Variants in ICOS observed in about 807,000 individuals in gnomAD.
ICOS encodes the protein inducible T-cell costimulator.
A neutral mutation model predicts 24.6 loss-of-function variants in ICOS; 15 were observed. The observed-to-expected ratio is 0.61, with a 90% confidence interval of 0.41 to 0.94. The LOEUF is 0.94. Ranked by LOEUF, ICOS falls within the 40% of genes least tolerant of loss-of-function variation. The pLI, the probability that ICOS is intolerant of heterozygous loss-of-function variation, is 0.00. For missense variants in ICOS, 200 were observed against 233.0 expected (o/e 0.86, Z 0.92); for synonymous variants, 89 against 77.5 (o/e 1.15, Z -0.78).
chr2:203,945,734 C>T (rs1043638663), intron 1 of ICOS, among the ~76,000 whole-genome samples: 1 of 152,124 alleles, frequency 6.6e-6, no homozygotes, highest in African/African-American at 2.4e-5. Context: ...GGGACCGCCA[C>T]CATATATACA....
At chr2:203,939,376 T>C (rs1689723106) in intron 1 of ICOS, among the ~76,000 whole-genome samples, 1 of 152,206 alleles carries the variant, frequency 6.6e-6, no homozygotes, top group Admixed American at 6.5e-5. Context: ...AAGTCTTGTT[T>C]TTTTTTAATG....
At position 203,955,877 on chromosome 2, in the gene ICOS, C is replaced by G; in HGVS notation, c.300C>G (p.Asp100Glu). 6.2e-7 allele frequency: 1 copy of G among 1,613,664 alleles called. No individual in the cohort carries two copies. Among genetic ancestry groups the G allele is most frequent in the Non-Finnish European group, 8.5e-7 (1 of 1,179,738 alleles). The change falls in exon 2 of 5, where the codon GAC (aspartate) becomes GAG (glutamate). Residue 100 changes from aspartate (D) to glutamate (E), a missense_variant. Asp to Glu is a conservative substitution (Grantham distance 45). Coordinates refer to ENST00000316386, the MANE Select transcript of ICOS (RefSeq NM_012092.4). Reference protein sequence around the residue: ...NSVSFFLYNLDHSHANYYFCN... With the variant: ...NSVSFFLYNLEHSHANYYFCN... ...TCTCTTTTTTTCTATACAACTTGGA[C>G]CATTCTCATGCCAACTATTACTTCT... is the stretch of plus-strand genomic sequence containing the variant.
At chr2:203,951,776 A>ACC (rs762536627) in intron 1 of ICOS, among the ~76,000 whole-genome samples, 24 of 152,234 alleles carry the variant, frequency 1.6e-4, no homozygotes, top group Non-Finnish European at 2.6e-4. Context: ...GGAACTGAGA[A>ACC]CCCGTCCACT....
intron 1 of ICOS, among the ~76,000 whole-genome samples, chr2:203,943,560 C>T (rs879916218): frequency 4.6e-5 from 7 of 152,024 alleles, no homozygotes; most frequent in African/African-American, 9.7e-5. Context: ...GTGGAGGTGG[C>T]GAAGGGTGCA....
intron 2 of ICOS, 37 bp downstream of exon 2, chr2:203,956,008 T>C (rs1263586791): frequency 3.5e-6 from 5 of 1,448,298 alleles, no homozygotes; most frequent in Admixed American, 3.5e-5. Flanking sequence ...CTTAAGAGTA[T>C]ATATATGTTT....
chr2:203,949,815 A>G (rs975503038), intron 1 of ICOS, among the ~76,000 whole-genome samples: 1 of 152,178 alleles, frequency 6.6e-6, no homozygotes, highest in Non-Finnish European at 1.5e-5. Flanking sequence ...CACCTTACCA[A>G]TCAGAGCAGA....
chr2:203,940,583 T>C (rs1689749240), intron 1 of ICOS, among the ~76,000 whole-genome samples: 1 of 152,080 alleles, frequency 6.6e-6, no homozygotes, highest in Non-Finnish European at 1.5e-5. Context: ...TTCTTAGTGG[T>C]TGCAGATATT....
chr2:203,942,057 C>T (rs1224581372), intron 1 of ICOS, among the ~76,000 whole-genome samples: 2 of 152,104 alleles, frequency 1.3e-5, no homozygotes, highest in Admixed American at 6.5e-5. Flanking sequence ...CAGTTGACCA[C>T]GAGTGTTGTT....
Position 203,955,777 on chromosome 2 carries a change from A to G in ICOS, c.200A>G (p.Lys67Arg). ...KGGQILCDLT[K>R]TKGSGNTVSI... Reference sequence around the variant, plus strand: ...GGGCAAATACTCTGCGATCTCACTAAGACAAAAGGAAGTGGAAACACAGTG... The same window carrying G: ...GGGCAAATACTCTGCGATCTCACTAGGACAAAAGGAAGTGGAAACACAGTG... Residue 67 changes from lysine (K) to arginine (R), a missense_variant, in exon 2 of 5, where the codon AAG becomes AGG. By Grantham distance (26) the Lys-to-Arg change is conservative. Transcript: ENST00000316386. 1 of 1,613,812 alleles carries G rather than the reference A, an allele frequency of 6.2e-7. No homozygotes were observed.
chr2:203,958,227 G>A lies in ICOS; in HGVS notation c.586+344G>A, dbSNP rs909450973. On this transcript the variant is annotated intron_variant, in intron 4 of 4. Transcript: ENST00000316386. Reference sequence around the variant, plus strand: ...GGGTTCATTCAGTCATTCAATGAGCGTTTATTGAGCATCAGTTAAGTGTGA... The same window carrying A: ...GGGTTCATTCAGTCATTCAATGAGCATTTATTGAGCATCAGTTAAGTGTGA... Among the ~76,000 whole-genome samples, 29 of 152,284 alleles carry A rather than the reference G, an allele frequency of 1.9e-4. 1 individual carries two copies. Among genetic ancestry groups the A allele is most frequent in the Middle Eastern group, 3.4e-3 (1 of 294 alleles).
At chr2:203,940,937 C>G (rs760441269) in intron 1 of ICOS, among the ~76,000 whole-genome samples, 5 of 152,108 alleles carry the variant, frequency 3.3e-5, no homozygotes, top group Non-Finnish European at 7.4e-5. Flanking sequence ...GCACCCGCCA[C>G]CACGCCTGGC....
At position 203,959,896 on chromosome 2, in the gene ICOS, G is replaced by A. The variant is rs909646017; in HGVS notation, c.*297G>A. The A allele has an allele frequency of 5.8e-6, 3 of 514,948 alleles. No individual in the cohort carries two copies. Among genetic ancestry groups the A allele is most frequent in the African/African-American group, 3.9e-5 (2 of 51,612 alleles). 31.9% of individuals were successfully genotyped at this position (514,948 alleles called of 1,614,324 possible). The stretch of plus-strand genomic sequence containing the variant: ...CCTGTCTCCACATCTGCTCCTAGCA[G>A]TGCATCAGCCAGTAAAACAAACACA... On this transcript the variant is annotated 3_prime_UTR_variant, in exon 5 of 5. Coordinates refer to ENST00000316386, the MANE Select transcript of ICOS (RefSeq NM_012092.4).
intron 3 of ICOS, among the ~76,000 whole-genome samples, chr2:203,957,139 C>T (rs1052079153): frequency 1.3e-5 from 2 of 152,100 alleles, no homozygotes; most frequent in African/African-American, 4.8e-5. Context: ...AATTTGAATC[C>T]AAGGTTCCTG....
intron 1 of ICOS, among the ~76,000 whole-genome samples, chr2:203,942,875 G>A (rs1372971796): frequency 6.6e-6 from 1 of 151,996 alleles, no homozygotes; most frequent in Non-Finnish European, 1.5e-5. Context: ...TGTTTTTGTT[G>A]GACTGGGTTA....
rs1433373651 is a variant in ICOS at position 203,959,612 on chromosome 2, G to T, written c.*13G>T. Reference sequence around the variant, plus strand: ...TGTGACCCTATAATATGGAACTCTGGCACCCAGGCATGAAGCACGTTGGCC... The same window carrying T: ...TGTGACCCTATAATATGGAACTCTGTCACCCAGGCATGAAGCACGTTGGCC... On this transcript the variant is annotated 3_prime_UTR_variant, in exon 5 of 5. Coordinates refer to ENST00000316386, the MANE Select transcript of ICOS (RefSeq NM_012092.4). 6.2e-7 allele frequency: 1 copy of T among 1,612,630 alleles called. No individual in the cohort carries two copies. The highest frequency in any genetic ancestry group is 8.5e-7 in the Non-Finnish European group (1 of 1,178,844).
Position 203,955,740 on chromosome 2 carries a change from T to C in ICOS, c.163T>C (p.Leu55=), listed in dbSNP as rs1291412174. ...CATTGTCCAGCAATTTAAAATGCAG[T>C]TGCTGAAAGGGGGGCAAATACTCTG... ...PDIVQQFKMQ[L]LKGGQILCDL... is the part of the protein sequence containing the mutation. The change falls in exon 2 of 5, where the codon TTG becomes CTG. Residue 55 remains leucine, a synonymous_variant. Coordinates refer to ENST00000316386, the MANE Select transcript of ICOS (RefSeq NM_012092.4). The C allele has an allele frequency of 6.2e-7, 1 of 1,613,638 alleles. No individual in the cohort carries two copies. The highest frequency in any genetic ancestry group is 1.7e-5 in the Admixed American group (1 of 59,976).
chr2:203,945,074 T>A (rs753463715), intron 1 of ICOS, among the ~76,000 whole-genome samples: 15 of 152,198 alleles, frequency 9.9e-5, no homozygotes, highest in Non-Finnish European at 1.9e-4. Flanking sequence ...ATATATATAT[T>A]TTAAAACACC....
rs1553499319 is a variant in ICOS at position 203,955,763 on chromosome 2, C to T, written c.186C>T (p.Leu62=). ...AGTTGCTGAAAGGGGGGCAAATACT[C>T]TGCGATCTCACTAAGACAAAAGGAA... The part of the protein sequence containing the change: ...KMQLLKGGQI[L]CDLTKTKGSG... Residue 62 remains leucine (L), a synonymous_variant, in exon 2 of 5, where the codon CTC becomes CTT. Coordinates refer to ENST00000316386, the MANE Select transcript of ICOS (RefSeq NM_012092.4). 6 of 1,613,826 alleles carry T rather than the reference C, an allele frequency of 3.7e-6. No homozygotes were observed. Among genetic ancestry groups the T allele is most frequent in the South Asian group, 1.1e-5 (1 of 91,074 alleles).
At chr2:203,942,291 A>G (rs1379084093) in intron 1 of ICOS, among the ~76,000 whole-genome samples, 1 of 152,242 alleles carries the variant, frequency 6.6e-6, no homozygotes, top group Non-Finnish European at 1.5e-5. Flanking sequence ...TTTACTTTGC[A>G]CTATCTAGGA....
Sources: gnomAD v4.1 joint callset for allele counts (sites outside exome capture counted in the v4.1 genomes callset) on GRCh38, gnomAD v4.1.1 for gene constraint, MANE v1.5 for transcripts, NCBI Gene and HGNC (gene_info 2026-07-23, HGNC 2026-07-21) for gene names.